The following ZSCAN5A variants were observed in gnomAD, a reference collection of about 807,000 sequenced individuals.
ZSCAN5A encodes the protein zinc finger and SCAN domain-containing protein 5A.
Under a neutral mutation model 23.7 loss-of-function variants are expected in ZSCAN5A, and 12 were observed. That is an observed-to-expected ratio of 0.51 (90% confidence interval 0.32 to 0.82). The LOEUF is 0.82. Among genes scored for constraint, ZSCAN5A ranks in the 40% least tolerant of loss-of-function variants. The pLI is 0.03. For synonymous variants in ZSCAN5A, 257 were observed against 239.9 expected (o/e 1.07, Z -0.66); for missense variants, 597 against 617.9 (o/e 0.97, Z 0.36).
chr19:56,298,913 C>T (rs1201900817), intron 2 of ZSCAN5A, among the ~76,000 whole-genome samples: 3 of 152,196 alleles, frequency 2.0e-5, no homozygotes, highest in Non-Finnish European at 4.4e-5. Flanking sequence ...CAATCTTCCT[C>T]ATAAATATAG....
intron 2 of ZSCAN5A, among the ~76,000 whole-genome samples, chr19:56,305,378 T>C (rs1315477902): frequency 6.6e-6 from 1 of 152,210 alleles, no homozygotes; most frequent in Non-Finnish European, 1.5e-5. Context: ...TTTGGCATAA[T>C]ATTTCCAAGG....
At chr19:56,257,735 G>A (rs1262237923) in intron 2 of ZSCAN5A, among the ~76,000 whole-genome samples, 10 of 130,368 alleles carry the variant, frequency 7.7e-5, no homozygotes, top group Admixed American at 3.9e-4. Context: ...CCTGGCTCCT[G>A]CCTCCTACCA....
intron 2 of ZSCAN5A, among the ~76,000 whole-genome samples, chr19:56,241,697 C>G (rs2035437647): frequency 6.6e-6 from 1 of 152,200 alleles, no homozygotes; most frequent in Non-Finnish European, 1.5e-5. Flanking sequence ...ATCTCTCCAA[C>G]TGAAATTTGT....
chr19:56,282,676 C>T (rs1460863487), intron 2 of ZSCAN5A, among the ~76,000 whole-genome samples: 1 of 152,144 alleles, frequency 6.6e-6, no homozygotes, highest in African/African-American at 2.4e-5. Context: ...ACAACAACAA[C>T]AAAAGCCCTT....
chr19:56,287,063 C>G (rs2039179671), intron 2 of ZSCAN5A, among the ~76,000 whole-genome samples: 1 of 152,196 alleles, frequency 6.6e-6, no homozygotes, highest in African/African-American at 2.4e-5. Flanking sequence ...GACTCCTTCC[C>G]ACCCCCACCA....
intron 2 of ZSCAN5A, among the ~76,000 whole-genome samples, chr19:56,265,406 G>C (rs192110130): frequency 3.0e-4 from 45 of 150,054 alleles, no homozygotes; most frequent in Admixed American, 7.4e-4. Flanking sequence ...TAAGCAAGCA[G>C]TAAGGCTTGA....
At chr19:56,316,878 C>T (rs1350688361), upstream of ZSCAN5A, 2 of 152,256 alleles carry the variant, frequency 1.3e-5, no homozygotes, top group Non-Finnish European at 2.9e-5. Context: ...GCTCTGTTTT[C>T]CAGGCTAGAG....
At chr19:56,230,157 G>A (rs555404935) in intron 2 of ZSCAN5A, among the ~76,000 whole-genome samples, 2 of 152,030 alleles carry the variant, frequency 1.3e-5, no homozygotes, top group African/African-American at 4.8e-5. Flanking sequence ...TGTCACCCAG[G>A]CTCACTGCAA....
intron 5 of ZSCAN5A, 62 bp from the exon 6 acceptor site, chr19:56,222,388 T>C: frequency 1.3e-6 from 2 of 1,587,064 alleles, no homozygotes; most frequent in African/African-American, 1.3e-5. Flanking sequence ...CCAAACTCAT[T>C]GCAACCAAAC....
At chr19:56,286,635 C>T (rs2039145762) in intron 2 of ZSCAN5A, 1 of 152,166 alleles carries the variant, frequency 6.6e-6, no homozygotes, top group Non-Finnish European at 1.5e-5. Flanking sequence ...GAAGGTTGTT[C>T]CCGCTGTTCG....
rs770164461 is a variant in ZSCAN5A, at chr19:56,246,879, T to C, written c.-127-21706A>G. 3.1e-6 allele frequency: 5 copies of C among 1,610,226 alleles called. No individual in the cohort carries two copies. In the African/African-American group the frequency reaches 6.7e-5, roughly 22 times the overall value. On this transcript the variant is annotated intron_variant, in intron 2 of 5. Coordinates refer to ENST00000683990, the MANE Select transcript of ZSCAN5A (RefSeq NM_001322064.3). ...GAGGAGACGCTCTGAATCTGAGATG[T>C]CCCAAAAGAAGCAAACCAGACGCCA... is the stretch of plus-strand genomic sequence containing the variant.
intron 2 of ZSCAN5A, among the ~76,000 whole-genome samples, chr19:56,323,214 T>C (rs1461250938): frequency 1.3e-5 from 2 of 151,704 alleles, no homozygotes; most frequent in Non-Finnish European, 2.9e-5. Flanking sequence ...AAAAATATTT[T>C]TTGGAGACCG....
intron 2 of ZSCAN5A, among the ~76,000 whole-genome samples, chr19:56,340,196 G>A (rs1307411059): frequency 3.3e-5 from 5 of 152,126 alleles, no homozygotes; most frequent in African/African-American, 1.2e-4. Context: ...GAATTTGCAG[G>A]ATAAAGTTAC....
rs2041605825 is a variant in ZSCAN5A at position 56,342,955 on chromosome 19, G to T, written c.-358+20280C>A. 6 of 1,001,590 alleles carry T rather than the reference G, an allele frequency of 6.0e-6. No homozygotes were observed. In the Admixed American group the frequency reaches 6.8e-5, roughly 11 times the overall value. 62.0% of individuals were successfully genotyped at this position (1,001,590 alleles called of 1,614,324 possible). ...ATAGCAGTGCACTTTGGTTATTCTT[G>T]CCCATTTTCAAAAATACTTCACTTC... On this transcript the variant is annotated intron_variant, in intron 2 of 6. Transcript: ENST00000587340.
intron 2 of ZSCAN5A, among the ~76,000 whole-genome samples, chr19:56,234,188 G>C (rs1350282835): frequency 6.6e-6 from 1 of 152,184 alleles, no homozygotes; most frequent in African/African-American, 2.4e-5. Context: ...AAAACAAGAA[G>C]CATGTTCCCA....
At chr19:56,322,888 GTTTC>G (rs2041391591) in intron 2 of ZSCAN5A, among the ~76,000 whole-genome samples, 4 of 143,272 alleles carry the variant, frequency 2.8e-5, no homozygotes, top group East Asian at 4.0e-4. Context: ...ATTTTTATTG[GTTTC>G]TTTTTTTTTT....
intron 2 of ZSCAN5A, among the ~76,000 whole-genome samples, chr19:56,358,413 G>A (rs1600302599): frequency 1.3e-5 from 2 of 148,882 alleles, no homozygotes; most frequent in African/African-American, 2.5e-5. Flanking sequence ...GAGCCTCCAC[G>A]CCCAGCCCAT....
In ZSCAN5A at chr19:56,355,475, T is replaced by C. The variant is rs573602152; in HGVS notation, c.-358+7760A>G. Among the ~76,000 whole-genome samples the C allele has an allele frequency of 6.0e-5, 9 of 149,058 alleles. 1 individual carries two copies. Among genetic ancestry groups the C allele is most frequent in the African/African-American group, 2.3e-4 (9 of 39,724 alleles). On this transcript the variant is annotated intron_variant, in intron 2 of 6. Coordinates refer to the ZSCAN5A transcript ENST00000587340. Reference sequence around the variant, plus strand: ...TCATGTCAATTTTTTTCCCAATTTTTACTGTTTTACACTGACTTAGCTGAT... The same window carrying C: ...TCATGTCAATTTTTTTCCCAATTTTCACTGTTTTACACTGACTTAGCTGAT...
intron 2 of ZSCAN5A, among the ~76,000 whole-genome samples, chr19:56,279,998 G>A (rs2038565478): frequency 6.6e-6 from 1 of 152,008 alleles, no homozygotes; most frequent in Non-Finnish European, 1.5e-5. Context: ...CAGAATTAAA[G>A]AAGTTCTCAA....
Sources: allele counts gnomAD v4.1 joint callset (sites outside exome capture counted in the v4.1 genomes callset), GRCh38; gene constraint gnomAD v4.1.1; transcripts MANE v1.5; gene names NCBI Gene and HGNC (gene_info 2026-07-23, HGNC 2026-07-21).